The following NALF2 variants were observed in gnomAD, a reference collection of about 807,000 sequenced individuals.
The protein encoded by NALF2 is bB57D9.1 (TED protein).
Under a neutral mutation model 24.8 loss-of-function variants are expected in NALF2, and 1 was observed. The ratio of observed to expected loss-of-function variants is 0.04; its 90% CI spans 0.01 to 0.19. NALF2 has a LOEUF of 0.19. Among genes scored for constraint, NALF2 ranks in the 10% least tolerant of loss-of-function variants. The pLI, the probability that NALF2 is intolerant of heterozygous loss-of-function variation, is 1.00. For missense variants in NALF2, 458 were observed against 409.6 expected, an observed-to-expected ratio of 1.12 and a Z score of -1.02; for synonymous variants, 254 against 189.8, an observed-to-expected ratio of 1.34 and a Z score of -2.78.
In NALF2 at chrX:69,529,768, G is replaced by A; in HGVS notation, c.1231G>A (p.Val411Ile). Reference protein sequence around the residue: ...YHPHHDPPGRVSNKPALLPVS... With the variant: ...YHPHHDPPGRISNKPALLPVS... ...CCCCCATCATGATCCCCCAGGCCGT[G>A]TCAGCAACAAGCCCGCCCTGCTGCC... Residue 411 changes from valine to isoleucine, a missense_variant, in exon 3 of 3, where the codon GTC becomes ATC. Transcript: ENST00000252338. 4.1e-6 allele frequency: 5 copies of A among 1,211,591 alleles called. No individual in the cohort carries two copies. The highest frequency in any genetic ancestry group is 5.6e-6 in the Non-Finnish European group (5 of 895,414).
Position 69,504,751 on chromosome X carries a change from G to A in NALF2, c.-532G>A, listed in dbSNP as rs1373285523. ...CGAGCGAGGCAGGGAGCGGCGTGGA[G>A]CGGGCAGCGGGCGGACGGGCGGGAG... On this transcript the variant is annotated 5_prime_UTR_variant, in exon 1 of 3. Transcript: ENST00000252338. Among the ~76,000 whole-genome samples the A allele has an allele frequency of 2.7e-5, 3 of 110,578 alleles. No homozygotes were observed. In the Admixed American group the frequency reaches 2.8e-4, roughly 10 times the overall value.
chrX:69,508,626 G>C (rs181429962), intron 1 of NALF2, among the ~76,000 whole-genome samples: 78 of 111,484 alleles, frequency 7.0e-4, no homozygotes, highest in African/African-American at 2.5e-3. Flanking sequence ...CCTGGCTCTC[G>C]AATCCAGCTG....
At chrX:69,516,559 T>C (rs1423061666) in intron 1 of NALF2, among the ~76,000 whole-genome samples, 1 of 112,120 alleles carries the variant, frequency 8.9e-6, no homozygotes, top group Non-Finnish European at 1.9e-5. Context: ...GACTCTGGCA[T>C]TGGAGTCTTC....
chrX:69,525,869 C>A (rs2147717210), intron 1 of NALF2, among the ~76,000 whole-genome samples: 1 of 108,828 alleles, frequency 9.2e-6, no homozygotes, highest in South Asian at 4.1e-4. Context: ...CCAACTGCCA[C>A]TCTCTCATAC....
At position 69,505,983 on chromosome X, in the gene NALF2, G is replaced by C; in HGVS notation, c.701G>C (p.Ser234Thr). The C allele has an allele frequency of 2.5e-6, 3 of 1,211,807 alleles. No homozygotes were observed. Among genetic ancestry groups the C allele is most frequent in the South Asian group, 1.8e-5 (1 of 56,940 alleles). ...LMGDLLAVVA[S>T]PGSGAWEACS... ...GGGGACCTGCTGGCCGTGGTGGCCA[G>C]CCCGGGCTCCGGGGCCTGGGAGGCG... The change falls in exon 1 of 3, where the codon AGC becomes ACC. Residue 234 changes from serine to threonine, a missense_variant. Coordinates refer to ENST00000252338, the MANE Select transcript of NALF2 (RefSeq NM_015686.3).
intron 1 of NALF2, among the ~76,000 whole-genome samples, chrX:69,518,033 T>C (rs927611439): frequency 4.4e-5 from 5 of 112,480 alleles, no homozygotes; most frequent in Admixed American, 1.9e-4. Flanking sequence ...GCTGTCACTG[T>C]CACACTGGCA....
intron 1 of NALF2, among the ~76,000 whole-genome samples, chrX:69,509,172 G>T (rs1032896108): frequency 9.0e-6 from 1 of 111,497 alleles, no homozygotes; most frequent in Admixed American, 9.5e-5. Flanking sequence ...GTAGGCCGAT[G>T]CCCTTCCCCG....
At chrX:69,524,091 ATTTTTTTTCTTT>A (rs1930771343) in intron 1 of NALF2, among the ~76,000 whole-genome samples, 1 of 100,992 alleles carries the variant, frequency 9.9e-6, no homozygotes, top group Non-Finnish European at 2.0e-5. Context: ...AGACAGGAGT[ATTTTTTTTCTTT>A]TTTTTTTTTT....
At position 69,527,998 on chromosome X, in the gene NALF2, GT is replaced by G. The variant is rs112377967; in HGVS notation, c.862-984del. ...TTTTTTTTGGTTTTTTTTTGTTGTTGTTTTTTTTTTTGGTTTTCACAAGAGG... is the reference window on the plus strand; with the variant it reads ...TTTTTTTTGGTTTTTTTTTGTTGTTGTTTTTTTTTTGGTTTTCACAAGAGG... On this transcript the variant is annotated intron_variant, in intron 1 of 2. Transcript: ENST00000252338. 6.0e-4 allele frequency among the ~76,000 whole-genome samples: 62 copies of G among 103,614 alleles called. No homozygotes were observed. In the Middle Eastern group the frequency reaches 0.015, roughly 25 times the overall value. The allele number at this position is 103,614 out of a possible 115,157, so 90.0% of individuals were successfully genotyped here.
intron 1 of NALF2, 133 bp from the exon 2 acceptor site, chrX:69,528,860 C>T (rs777054224): frequency 1.7e-6 from 1 of 580,229 alleles, no homozygotes; most frequent in South Asian, 4.5e-5. Flanking sequence ...GCCCTTCTTC[C>T]TCTCTACCCC....
At chrX:69,521,255 G>A (rs146772547) in intron 1 of NALF2, among the ~76,000 whole-genome samples, 3,677 of 111,051 alleles carry the variant, frequency 0.033, 144 homozygotes, top group African/African-American at 0.12. Context: ...TTCTTTGCTT[G>A]AAGTGCACTT....
intron 1 of NALF2, 116 bp from the exon 2 acceptor site, chrX:69,528,877 C>A: frequency 2.8e-6 from 2 of 712,392 alleles, no homozygotes; most frequent in Non-Finnish European, 4.0e-6. Flanking sequence ...CCCCCTGGAT[C>A]TTGGGGTTAG....
rs1930461505 is a variant in NALF2, at chrX:69,505,734, A to G, written c.452A>G (p.Gln151Arg). The change falls in exon 1 of 3, where the codon CAA becomes CGA. Residue 151 changes from glutamine to arginine, a missense_variant. Physicochemically the swap from Gln to Arg is conservative, Grantham distance 43. Transcript: ENST00000252338. ...TGLDAACTKLQSLQRLFEPTT... is the reference protein window; with the variant it reads ...TGLDAACTKLRSLQRLFEPTT... ...CTGGACGCAGCTTGCACCAAATTGC[A>G]ATCTTTGCAGAGACTTTTCGAACCG... The G allele has an allele frequency of 8.3e-7, 1 of 1,211,102 alleles. No individual in the cohort carries two copies. Among genetic ancestry groups the G allele is most frequent in the African/African-American group, 1.7e-5 (1 of 57,747 alleles).
intron 1 of NALF2, among the ~76,000 whole-genome samples, chrX:69,507,380 CT>C (rs1299403550): frequency 9.0e-6 from 1 of 111,458 alleles, no homozygotes; most frequent in African/African-American, 3.3e-5. Flanking sequence ...TCACTTTCTC[CT>C]TCTCCTTTTT....
chrX:69,505,950 C>A lies in NALF2; in HGVS notation c.668C>A (p.Thr223Asn), dbSNP rs1930473158. Residue 223 changes from threonine to asparagine, a missense_variant, in exon 1 of 3, where the codon ACC (threonine) becomes AAC (asparagine). Coordinates refer to ENST00000252338, the MANE Select transcript of NALF2 (RefSeq NM_015686.3). ...RPDSLDCSLD[T>N]LMGDLLAVVA... ...GACAGCCTGGACTGTAGCCTGGACA[C>A]CCTGATGGGGGACCTGCTGGCCGTG... 8.3e-7 allele frequency: 1 copy of A among 1,212,001 alleles called. No homozygotes were observed. Among genetic ancestry groups the A allele is most frequent in the African/African-American group, 1.7e-5 (1 of 57,905 alleles).
intron 2 of NALF2, 38 bp from the exon 3 acceptor site, chrX:69,529,533 C>T: frequency 8.5e-7 from 1 of 1,176,408 alleles, no homozygotes; most frequent in Non-Finnish European, 1.1e-6. Flanking sequence ...CTATCAGCTC[C>T]CCGAGCACCC....
intron 1 of NALF2, among the ~76,000 whole-genome samples, chrX:69,527,998 G>GT (rs112377967): frequency 0.054 from 5,569 of 103,545 alleles, 329 homozygotes; most frequent in African/African-American, 0.17. Flanking sequence ...TTTTGTTGTT[G>GT]TTTTTTTTTT....
At chrX:69,518,584 G>A (rs1050967714) in intron 1 of NALF2, among the ~76,000 whole-genome samples, 3 of 110,519 alleles carry the variant, frequency 2.7e-5, no homozygotes, top group Non-Finnish European at 1.9e-5. Flanking sequence ...AAATATTTGT[G>A]TATACACACA....
rs191631495 is a variant in NALF2, at chrX:69,508,648, C to T, written c.861+2505C>T. On this transcript the variant is annotated intron_variant, in intron 1 of 2. Coordinates refer to ENST00000252338, the MANE Select transcript of NALF2 (RefSeq NM_015686.3). ...CTCGAATCCAGCTGTATGATGGGCA[C>T]GAAGGGAAAAGACAGCCCTGCTACC... 8.2e-4 allele frequency among the ~76,000 whole-genome samples: 91 copies of T among 111,494 alleles called. 1 individual carries two copies. Among genetic ancestry groups the T allele is most frequent in the Non-Finnish European group, 1.6e-3 (87 of 53,004 alleles).
Sources: gnomAD v4.1 joint callset for allele counts (sites outside exome capture counted in the v4.1 genomes callset) on GRCh38, gnomAD v4.1.1 for gene constraint, MANE v1.5 for transcripts, NCBI Gene and HGNC (gene_info 2026-07-23, HGNC 2026-07-21) for gene names.